Variants in MAGI2 observed in about 807,000 individuals in gnomAD.
MAGI2 encodes the protein membrane-associated guanylate kinase, WW and PDZ domain-containing protein 2.
A neutral mutation model predicts 133.3 loss-of-function variants in MAGI2; 35 were observed. That is an observed-to-expected ratio of 0.26 (90% CI 0.20 to 0.35). The LOEUF (loss-of-function observed/expected upper bound fraction) is 0.35. Ranked by LOEUF, MAGI2 falls within the 10% of genes least tolerant of loss-of-function variation. The probability of loss-of-function intolerance (pLI) is 1.00; values close to 1 mark genes in which losing one functional copy is unlikely to be tolerated. For synonymous variants in MAGI2, 729 were observed against 710.6 expected (o/e 1.03, Z -0.41); for missense variants, 1,636 against 1,863.4 (o/e 0.88, Z 2.25).
chr7:78,333,761 G>T (rs1789473036), intron 9 of MAGI2, among the ~76,000 whole-genome samples: 1 of 152,212 alleles, frequency 6.6e-6, no homozygotes, highest in Admixed American at 6.5e-5. Context: ...AAGCCGCCCT[G>T]CGCATGCTAG....
chr7:78,959,334 G>A (rs569887507), intron 2 of MAGI2, among the ~76,000 whole-genome samples: 5 of 152,174 alleles, frequency 3.3e-5, no homozygotes, highest in South Asian at 4.1e-4. Flanking sequence ...GCATTGTAGT[G>A]TGCTGCCAAA....
intron 9 of MAGI2, among the ~76,000 whole-genome samples, chr7:78,294,999 G>T (rs920437041): frequency 1.3e-5 from 2 of 151,952 alleles, no homozygotes; most frequent in African/African-American, 4.8e-5. Context: ...TAAAGATAAG[G>T]CGTCATTATT....
chr7:78,271,368 G>A (rs1350950595), intron 9 of MAGI2, among the ~76,000 whole-genome samples: 1 of 152,192 alleles, frequency 6.6e-6, no homozygotes, highest in Non-Finnish European at 1.5e-5. Context: ...GTATTTTATT[G>A]AGGATTTTCG....
At chr7:78,377,270 G>A (rs1170588570) in intron 6 of MAGI2, among the ~76,000 whole-genome samples, 1 of 152,084 alleles carries the variant, frequency 6.6e-6, no homozygotes, top group Non-Finnish European at 1.5e-5. Context: ...GGATGTGAAT[G>A]CTCCAATCCA....
At chr7:78,039,337 G>C (rs34152259) in intron 21 of MAGI2, among the ~76,000 whole-genome samples, 2,849 of 152,324 alleles carry the variant, frequency 0.019, 30 homozygotes, top group Middle Eastern at 0.051. Context: ...GTGTGGGGCT[G>C]GTTCTGGGGA....
At chr7:78,302,769 A>T (rs1797939560) in intron 9 of MAGI2, among the ~76,000 whole-genome samples, 1 of 151,792 alleles carries the variant, frequency 6.6e-6, no homozygotes, top group South Asian at 2.1e-4. Flanking sequence ...CTTAATTCCT[A>T]CTCCCCCATT....
At chr7:78,301,711 T>C (rs1416526513) in intron 9 of MAGI2, among the ~76,000 whole-genome samples, 4 of 152,256 alleles carry the variant, frequency 2.6e-5, no homozygotes, top group Non-Finnish European at 4.4e-5. Context: ...GCTAGCTTCC[T>C]GGCATTTGCA....
chr7:78,390,702 C>A (rs541329902), intron 6 of MAGI2, among the ~76,000 whole-genome samples: 1 of 152,200 alleles, frequency 6.6e-6, no homozygotes, highest in Non-Finnish European at 1.5e-5. Flanking sequence ...TTCAATAGTG[C>A]TACTTCTGTT....
At chr7:78,765,708 G>A (rs1183762152) in intron 2 of MAGI2, among the ~76,000 whole-genome samples, 1 of 152,106 alleles carries the variant, frequency 6.6e-6, no homozygotes, top group African/African-American at 2.4e-5. Flanking sequence ...ATACGGTTGT[G>A]AGCAAAATGA....
intron 16 of MAGI2, among the ~76,000 whole-genome samples, chr7:78,136,079 G>A (rs531194848): frequency 4.0e-5 from 6 of 151,814 alleles, no homozygotes; most frequent in Admixed American, 1.3e-4. Context: ...AATGTTATAC[G>A]TCTTTTAAAA....
intron 16 of MAGI2, among the ~76,000 whole-genome samples, chr7:78,151,317 T>C (rs1445929466): frequency 2.0e-5 from 3 of 152,138 alleles, no homozygotes; most frequent in African/African-American, 7.2e-5. Context: ...GAATTGTAAG[T>C]GAATAAATAA....
intron 3 of MAGI2, among the ~76,000 whole-genome samples, chr7:78,560,053 GA>G (rs1297583145): frequency 6.6e-6 from 1 of 151,790 alleles, no homozygotes; most frequent in African/African-American, 2.4e-5. Flanking sequence ...GATGACAAAA[GA>G]AAAAAATATT....
intron 3 of MAGI2, chr7:78,616,871 G>A (rs1440881262): frequency 2.0e-5 from 3 of 152,120 alleles, no homozygotes; most frequent in Non-Finnish European, 2.9e-5. Flanking sequence ...CACCTTTATT[G>A]AGCACTGCTT....
intron 1 of MAGI2, among the ~76,000 whole-genome samples, chr7:79,234,759 G>C (rs1250167696): frequency 6.6e-6 from 1 of 150,418 alleles, no homozygotes; most frequent in East Asian, 2.0e-4. Context: ...GTAGCTCAGA[G>C]TAATTTGATC....
intron 1 of MAGI2, among the ~76,000 whole-genome samples, chr7:79,047,950 C>G (rs1167144954): frequency 6.6e-6 from 1 of 152,140 alleles, no homozygotes; most frequent in East Asian, 1.9e-4. Flanking sequence ...CTTCTTTCCA[C>G]AGTCATCTGA....
chr7:78,143,395 C>T (rs1822962688), intron 16 of MAGI2, among the ~76,000 whole-genome samples: 1 of 151,952 alleles, frequency 6.6e-6, no homozygotes, highest in African/African-American at 2.4e-5. Flanking sequence ...GGCTGGTTGC[C>T]CAATTTTATG....
intron 6 of MAGI2, among the ~76,000 whole-genome samples, chr7:78,449,567 T>G (rs1176157438): frequency 6.6e-6 from 1 of 152,208 alleles, no homozygotes; most frequent in African/African-American, 2.4e-5. Context: ...GTTTAATTGC[T>G]GCCTGTGGCT....
intron 21 of MAGI2, among the ~76,000 whole-genome samples, chr7:78,052,365 T>G (rs545985092): frequency 6.6e-6 from 1 of 152,272 alleles, no homozygotes; most frequent in East Asian, 1.9e-4. Context: ...TCTTTCTTGC[T>G]TCCTCTCTCA....
At chr7:78,563,526 T>G (rs1308806022) in intron 3 of MAGI2, among the ~76,000 whole-genome samples, 1 of 152,150 alleles carries the variant, frequency 6.6e-6, no homozygotes. Context: ...CTCAAGAGAT[T>G]CAGGAAATGA....
Sources: allele counts gnomAD v4.1 joint callset (sites outside exome capture counted in the v4.1 genomes callset), GRCh38; gene constraint gnomAD v4.1.1; transcripts MANE v1.5; gene names NCBI Gene and HGNC (gene_info 2026-07-23, HGNC 2026-07-21).